RAB3GAP2: variants seen among roughly 807,000 people sequenced by gnomAD.
RAB3GAP2 encodes RAB3 GTPase activating non-catalytic protein subunit 2, also known as rab3 GTPase-activating protein non-catalytic subunit.
Under a neutral mutation model 185.3 loss-of-function variants are expected in RAB3GAP2, and 87 were observed. The ratio of observed to expected loss-of-function variants is 0.47; its 90% CI spans 0.39 to 0.56. The LOEUF (loss-of-function observed/expected upper bound fraction) is 0.56, where lower values mean the gene tolerates loss of function less well. RAB3GAP2 is among the 20% of genes least tolerant of loss of function. RAB3GAP2 has a pLI of 0.00. For synonymous variants in RAB3GAP2, 554 were observed against 576.1 expected (o/e 0.96, Z 0.55); for missense variants, 1,492 against 1,638.2 (o/e 0.91, Z 1.54).
rs1236468045 is a variant in RAB3GAP2, at chr1:220,148,313, C to T, written c.*2938G>A. ...CAACATGAAAGCTGAAAATTTATTTCACTAATATACATAAGAAGTTCACAA... is the reference window on the plus strand; with the variant it reads ...CAACATGAAAGCTGAAAATTTATTTTACTAATATACATAAGAAGTTCACAA... On this transcript the variant is annotated 3_prime_UTR_variant, in exon 35 of 35. Coordinates refer to ENST00000358951, the MANE Select transcript of RAB3GAP2 (RefSeq NM_012414.4). 1 of 152,382 alleles carries T rather than the reference C, an allele frequency of 6.6e-6. No homozygotes were observed. Among genetic ancestry groups the T allele is most frequent in the African/African-American group, 2.4e-5 (1 of 41,290 alleles). 9.4% of individuals were successfully genotyped at this position (152,382 alleles called of 1,614,324 possible).
chr1:220,267,288 C>G, intron 1 of RAB3GAP2: 1 of 944,890 alleles, frequency 1.1e-6, no homozygotes, highest in East Asian at 2.4e-5. Context: ...GTGTATATTC[C>G]AGAATTAGGT....
At chr1:220,239,838 T>C (rs1430391875) in intron 1 of RAB3GAP2, among the ~76,000 whole-genome samples, 3 of 152,086 alleles carry the variant, frequency 2.0e-5, no homozygotes, top group African/African-American at 7.2e-5. Flanking sequence ...AAAATTTGTA[T>C]CATTACTAAC....
intron 22 of RAB3GAP2, 46 bp downstream of exon 22, chr1:220,172,591 T>C (rs754051272): frequency 2.7e-5 from 37 of 1,347,446 alleles, no homozygotes; most frequent in Non-Finnish European, 3.8e-5. Context: ...TTTTGTGACA[T>C]TTCAAACACG....
chr1:220,262,554 T>A (rs966214857), intron 1 of RAB3GAP2, among the ~76,000 whole-genome samples: 7 of 152,228 alleles, frequency 4.6e-5, no homozygotes, highest in Non-Finnish European at 8.8e-5. Context: ...CTCATGTAAG[T>A]GGAATCATAT....
chr1:220,189,808 A>G (rs1203379294), intron 16 of RAB3GAP2, 41 bp from the exon 17 acceptor site: 4 of 1,365,512 alleles, frequency 2.9e-6, no homozygotes, highest in Non-Finnish European at 4.0e-6. Context: ...TTTAATTTTT[A>G]TAACAGTGAA....
chr1:220,210,604 C>A (rs963105548), intron 6 of RAB3GAP2, 115 bp from the exon 7 acceptor site: 6 of 1,004,702 alleles, frequency 6.0e-6, no homozygotes, highest in East Asian at 2.4e-5. Flanking sequence ...ACCAGGTACA[C>A]TCTTTTCAGA....
chr1:220,249,107 C>G (rs142489751), intron 1 of RAB3GAP2, among the ~76,000 whole-genome samples: 81 of 152,210 alleles, frequency 5.3e-4, no homozygotes, highest in African/African-American at 1.9e-3. Context: ...AATGTGGAAG[C>G]AACTTTGGAA....
chr1:220,230,746 C>T (rs1478741738), intron 2 of RAB3GAP2, among the ~76,000 whole-genome samples: 1 of 152,110 alleles, frequency 6.6e-6, no homozygotes, highest in African/African-American at 2.4e-5. Context: ...AAAATATTAA[C>T]AAAAGTAAAG....
At chr1:220,211,290 A>G (rs1659080607) in intron 4 of RAB3GAP2, 2 of 562,324 alleles carry the variant, frequency 3.6e-6, no homozygotes, top group Non-Finnish European at 6.8e-6. Context: ...TTACTTACAC[A>G]ACTGACTGTA....
intron 28 of RAB3GAP2, 109 bp downstream of exon 28, chr1:220,162,089 T>G: frequency 1.1e-6 from 1 of 876,886 alleles, no homozygotes; most frequent in Non-Finnish European, 1.9e-6. Flanking sequence ...TAAAATCTAA[T>G]TATCAAATTA....
intron 17 of RAB3GAP2, among the ~76,000 whole-genome samples, chr1:220,186,443 T>C (rs998581648): frequency 8.5e-5 from 13 of 152,270 alleles, no homozygotes; most frequent in African/African-American, 2.2e-4. Flanking sequence ...AACCTCTGCG[T>C]GTTTGTGGAG....
chr1:220,267,819 C>G (rs1660256274), intron 1 of RAB3GAP2: 1 of 1,329,796 alleles, frequency 7.5e-7, no homozygotes, highest in Admixed American at 1.7e-5. Context: ...TGGATTCTGA[C>G]AAGGAAATTG....
chr1:220,248,230 TGTCA>T (rs1659856156), intron 1 of RAB3GAP2, among the ~76,000 whole-genome samples: 1 of 152,140 alleles, frequency 6.6e-6, no homozygotes, highest in South Asian at 2.1e-4. Flanking sequence ...AGAAATAAGA[TGTCA>T]GTCAAAGGGT....
In RAB3GAP2 at chr1:220,151,201, A is replaced by G. The variant is rs752748566; in HGVS notation, c.*50T>C. ...GTCTTACTATGTAAAATAACCATGC[A>G]CTACTTCATGTTATAATCATAATTT... On this transcript the variant is annotated 3_prime_UTR_variant, in exon 35 of 35. Coordinates refer to ENST00000358951, the MANE Select transcript of RAB3GAP2 (RefSeq NM_012414.4). The G allele has an allele frequency of 1.3e-6, 2 of 1,563,194 alleles. No homozygotes were observed. Among genetic ancestry groups the G allele is most frequent in the Non-Finnish European group, 1.8e-6 (2 of 1,136,476 alleles).
chr1:220,268,460 A>G (rs1227319534), intron 1 of RAB3GAP2, among the ~76,000 whole-genome samples: 1 of 152,244 alleles, frequency 6.6e-6, no homozygotes, highest in Non-Finnish European at 1.5e-5. Flanking sequence ...GCTACCCACC[A>G]TCACAAAAGA....
intron 14 of RAB3GAP2, 106 bp from the exon 15 acceptor site, chr1:220,190,626 G>A (rs1658597651): frequency 1.7e-6 from 2 of 1,186,316 alleles, no homozygotes; most frequent in African/African-American, 1.5e-5. Flanking sequence ...CAATTTAGGA[G>A]CATTAATAAG....
intron 9 of RAB3GAP2, chr1:220,200,461 T>C (rs964913106): frequency 2.8e-5 from 12 of 421,354 alleles, no homozygotes; most frequent in African/African-American, 2.1e-4. Flanking sequence ...CAAATATTAA[T>C]AGGTACTCAT....
chr1:220,213,750 GAGAGAAATAAATAAATAAAAAGCATTATA>G, intron 3 of RAB3GAP2, 77 bp downstream of exon 3: 1 of 1,108,462 alleles, frequency 9.0e-7, no homozygotes. Flanking sequence ...GGGGGAGAGA[GAGAGAAATAAATAAATAAAAAGCATTATA>G]TTCTTTTCAC....
At chr1:220,189,555 T>C (rs1003996774) in intron 17 of RAB3GAP2, 148 bp downstream of exon 17, 1 of 686,314 alleles carries the variant, frequency 1.5e-6, no homozygotes, top group African/African-American at 1.9e-5. Context: ...GGAACTTCTA[T>C]CTGAAAATAA....
Sources: allele counts gnomAD v4.1 joint callset (sites outside exome capture counted in the v4.1 genomes callset), GRCh38; gene constraint gnomAD v4.1.1; transcripts MANE v1.5; gene names NCBI Gene and HGNC (gene_info 2026-07-23, HGNC 2026-07-21).